Variants in ANK1 observed in about 807,000 individuals in gnomAD.
The protein encoded by ANK1 is ankyrin-1.
A neutral mutation model predicts 210.4 loss-of-function variants in ANK1; 51 were observed. The ratio of observed to expected loss-of-function variants is 0.24; its 90% CI spans 0.19 to 0.31. The LOEUF is 0.31. Ranked by LOEUF, ANK1 falls within the 10% of genes least tolerant of loss-of-function variation. The probability of loss-of-function intolerance (pLI) is 1.00; values close to 1 mark genes in which losing one functional copy is unlikely to be tolerated. For missense variants in ANK1, 2,051 were observed against 2,504.4 expected (o/e 0.82, Z 3.86); for synonymous variants, 967 against 1,025.9 (o/e 0.94, Z 1.10).
At chr8:41,834,958 G>C (rs1807361176) in intron 1 of ANK1, among the ~76,000 whole-genome samples, 1 of 152,226 alleles carries the variant, frequency 6.6e-6, no homozygotes, top group South Asian at 2.1e-4. Flanking sequence ...GAAGCTGGAG[G>C]GGCAGGGTCC....
At chr8:41,655,889 G>A (rs561085203) in intron 42 of ANK1, 136 bp from the exon 43 acceptor site, 27 of 1,003,030 alleles carry the variant, frequency 2.7e-5, no homozygotes, top group Admixed American at 1.8e-4. Flanking sequence ...CAGGCAGGGC[G>A]ATGTGCTGAG....
chr8:41,680,866 C>A (rs1348022407), intron 37 of ANK1, among the ~76,000 whole-genome samples: 5 of 152,194 alleles, frequency 3.3e-5, no homozygotes, highest in African/African-American at 9.7e-5. Context: ...TCCACTGGAT[C>A]CCCCAGGGTG....
At chr8:41,831,605 C>T (rs186694305) in intron 1 of ANK1, among the ~76,000 whole-genome samples, 44 of 136,932 alleles carry the variant, frequency 3.2e-4, no homozygotes, top group East Asian at 2.8e-3. Context: ...GCCAAGATTG[C>T]GCCATTGCAC....
rs1245591049 is a variant in ANK1 at position 41,694,186 on chromosome 8, G to C, written c.3328-84C>G. The C allele has an allele frequency of 5.7e-6, 8 of 1,405,620 alleles. No individual in the cohort carries two copies. Among genetic ancestry groups the C allele is most frequent in the Non-Finnish European group, 7.9e-6 (8 of 1,017,884 alleles). 87.1% of individuals were successfully genotyped at this position (1,405,620 alleles called of 1,614,324 possible). ...GGAGGCAGCTCCATGCCTGGTGAGA[G>C]TGGCCGTCAGTGCACGGGGTCCCGC... is the stretch of plus-strand genomic sequence containing the variant. On this transcript the variant is annotated intron_variant, in intron 28 of 42. Transcript: ENST00000289734. The surrounding 1 kb of genome is among the most constrained non-coding windows in gnomAD (Gnocchi z 5.7).
chr8:41,752,037 T>C (rs1348656717), intron 2 of ANK1, among the ~76,000 whole-genome samples: 1 of 152,104 alleles, frequency 6.6e-6, no homozygotes, highest in East Asian at 1.9e-4. Context: ...TTTCCTGCTC[T>C]CCCAAGAATA....
intron 1 of ANK1, among the ~76,000 whole-genome samples, chr8:41,887,144 C>T (rs900797525): frequency 3.3e-5 from 5 of 152,086 alleles, no homozygotes; most frequent in African/African-American, 4.8e-5. Context: ...GCCCTGCTAC[C>T]CTCTTAGACA....
At chr8:41,684,745 A>G (rs936829875) in intron 36 of ANK1, 55 bp from the exon 37 acceptor site, 3 of 1,580,522 alleles carry the variant, frequency 1.9e-6, no homozygotes, top group Admixed American at 1.7e-5. Flanking sequence ...CGAGGATCAC[A>G]TGGGCTCAGA....
rs180968218 is a variant in ANK1, at chr8:41,715,005, G to A, written c.1672C>T (p.Arg558Trp). 193 of 1,614,092 alleles carry A rather than the reference G, an allele frequency of 1.2e-4. No homozygotes were observed. The highest frequency in any genetic ancestry group is 1.5e-4 in the Non-Finnish European group (172 of 1,180,024). ...KVRVAELLLE[R>W]DAHPNAAGKN... ...CCGGCAGCATTCGGGTGTGCGTCCC[G>A]CTCCAGCAGCAGCTCTGCCACCCGC... Residue 558 changes from arginine (R) to tryptophan (W), a missense_variant, in exon 15 of 43, where the codon CGG (arginine) becomes TGG (tryptophan). Physicochemically the swap from Arg to Trp is moderately radical, Grantham distance 101. Transcript: ENST00000289734.
chr8:41,701,306 T>G (rs1490773379), intron 22 of ANK1, among the ~76,000 whole-genome samples: 1 of 152,236 alleles, frequency 6.6e-6, no homozygotes, highest in Admixed American at 6.5e-5. Flanking sequence ...CAAACATACA[T>G]GTGTTTTTGA....
intron 13 of ANK1, 27 bp downstream of exon 13, chr8:41,716,926 C>T: frequency 1.2e-6 from 2 of 1,607,868 alleles, no homozygotes; most frequent in South Asian, 1.1e-5. Context: ...CATCTGAAAC[C>T]CTTCCCTTCC....
chr8:41,655,323 TC>T lies in ANK1; in HGVS notation c.*466del. 1 of 170,806 alleles carries T rather than the reference TC, an allele frequency of 5.9e-6. No homozygotes were observed. Among genetic ancestry groups the T allele is most frequent in the Admixed American group, 5.9e-5 (1 of 17,026 alleles). 10.6% of individuals were successfully genotyped at this position (170,806 alleles called of 1,614,324 possible). A position where few individuals can be genotyped will look rare whatever the true frequency, so the allele number is the denominator to read the frequency against. ...TAGTTTTCTTTTTTTTTTTTTTCTT[TC>T]CAGGAAGCCCACATGGATTTCTGAC... is the stretch of plus-strand genomic sequence containing the variant. On this transcript the variant is annotated 3_prime_UTR_variant, in exon 43 of 43. Coordinates refer to ENST00000289734, the MANE Select transcript of ANK1 (RefSeq NM_000037.4).
At chr8:41,696,308 G>A (rs1443332599) in intron 26 of ANK1, 55 bp downstream of exon 26, 21 of 1,580,236 alleles carry the variant, frequency 1.3e-5, no homozygotes, top group African/African-American at 4.0e-5. Flanking sequence ...TGGAAATGGC[G>A]TGGCCTCCGT....
At chr8:41,854,836 G>A (rs981286278) in intron 1 of ANK1, among the ~76,000 whole-genome samples, 16 of 152,094 alleles carry the variant, frequency 1.1e-4, no homozygotes, top group African/African-American at 2.9e-4. Flanking sequence ...TGTAGTCCTA[G>A]CTACTCGGGA....
At chr8:41,822,298 C>T (rs931304233) in intron 1 of ANK1, among the ~76,000 whole-genome samples, 1 of 152,208 alleles carries the variant, frequency 6.6e-6, no homozygotes, top group African/African-American at 2.4e-5. Flanking sequence ...CAACCATATA[C>T]ACGTCCAAGC....
intron 39 of ANK1, chr8:41,665,016 G>T (rs536747411): frequency 1.2e-6 from 2 of 1,613,742 alleles, no homozygotes; most frequent in South Asian, 2.2e-5. Context: ...GGTGACGAAA[G>T]TCCACATCCT....
chr8:41,715,204 T>A (rs892143104), intron 14 of ANK1, 130 bp from the exon 15 acceptor site: 5 of 843,224 alleles, frequency 5.9e-6, no homozygotes, highest in Non-Finnish European at 9.6e-6. Flanking sequence ...ACAGCCATTT[T>A]TGAGCCCTCT....
At position 41,769,977 on chromosome 8, in the gene ANK1, C is replaced by CTTT. The variant is rs59542968; in HGVS notation, c.28-11843_28-11841dup. ...ATATCTTCTTTTTTTTTTCTTTTTT[C>CTTT]TTTTTTTTTTTTTTTTTTTTTGAGG... On this transcript the variant is annotated intron_variant, in intron 1 of 42. Transcript: ENST00000289734. 9.4e-3 allele frequency among the ~76,000 whole-genome samples: 816 copies of CTTT among 86,596 alleles called. 11 individuals carry two copies. Among genetic ancestry groups the CTTT allele is most frequent in the African/African-American group, 0.018 (367 of 20,320 alleles). 56.8% of individuals were successfully genotyped at this position (86,596 alleles called of 152,430 possible).
At chr8:41,797,968 G>A (rs1190279876), upstream of ANK1, among the ~76,000 whole-genome samples, 1 of 151,764 alleles carries the variant, frequency 6.6e-6, no homozygotes, top group Non-Finnish European at 1.5e-5. The surrounding 1 kb of genome is among the most constrained non-coding windows in gnomAD (Gnocchi z 4.0). Context: ...AAGTCGCTGG[G>A]TGCAGGGGAA....
intron 37 of ANK1, among the ~76,000 whole-genome samples, chr8:41,674,215 A>C (rs923864992): frequency 6.6e-6 from 1 of 151,876 alleles, no homozygotes; most frequent in African/African-American, 2.4e-5. Context: ...ATTCTCATCC[A>C]CTCACTGTTC....
Sources: allele counts gnomAD v4.1 joint callset (sites outside exome capture counted in the v4.1 genomes callset), GRCh38; gene constraint gnomAD v4.1.1; non-coding constraint Gnocchi (gnomAD v3.1); transcripts MANE v1.5; gene names NCBI Gene and HGNC (gene_info 2026-07-23, HGNC 2026-07-21).